Variants in COL2A1 observed in about 807,000 individuals in gnomAD.
COL2A1 encodes the protein collagen type II alpha 1 chain, also known as collagen alpha-1(II) chain.
In COL2A1, 28 loss-of-function variants were observed where a neutral mutation model predicts 204.5. The ratio of observed to expected loss-of-function variants is 0.14; its 90% CI spans 0.10 to 0.19. The LOEUF (loss-of-function observed/expected upper bound fraction) is 0.19, where lower values mean the gene tolerates loss of function less well. COL2A1 is among the 10% of genes least tolerant of loss of function. The pLI is 1.00. For synonymous variants in COL2A1, 708 were observed against 718.7 expected, an observed-to-expected ratio of 0.99 and a Z score of 0.24; for missense variants, 1,388 against 2,027.5, an observed-to-expected ratio of 0.68 and a Z score of 6.06.
chr12:47,977,228 T>C lies in COL2A1; in HGVS notation c.3274-73A>G, dbSNP rs41272751. The C allele has an allele frequency of 4.3e-3, 6,863 of 1,585,328 alleles. 284 individuals carry two copies. In the African/African-American group the frequency reaches 0.079, roughly 18 times the overall value. ...GGGCCTCCTCTGCATCTGAGGCCAC[T>C]GCTCCTTAGTCCAGAGACTGCGGAA... On this transcript the variant is annotated intron_variant, in intron 46 of 53. Transcript: ENST00000380518.
rs781153982 is a variant in COL2A1, at chr12:47,985,112, T to TTC, written c.1735-21_1735-20dup. On this transcript the variant is annotated intron_variant, in intron 26 of 53. Coordinates refer to ENST00000380518, the MANE Select transcript of COL2A1 (RefSeq NM_001844.5). ...GGGCTCCCTGAAAGACAGAACACCA[T>TTC]TCTCAGAACATAGACACTCTGACCA... is the stretch of plus-strand genomic sequence containing the variant. 5 of 1,593,948 alleles carry TTC rather than the reference T, an allele frequency of 3.1e-6. No individual in the cohort carries two copies. In the East Asian group the frequency reaches 1.1e-4, roughly 36 times the overall value.
At position 47,976,292 on chromosome 12, in the gene COL2A1, T is replaced by TTCCCAGGGG. The variant is rs145571589; in HGVS notation, c.3489+221_3489+222insCCCCTGGGA. Among the ~76,000 whole-genome samples, 3,504 of 152,324 alleles carry TTCCCAGGGG rather than the reference T, an allele frequency of 0.023. 148 individuals carry two copies. The highest frequency in any genetic ancestry group is 0.079 in the African/African-American group (3,287 of 41,562). The stretch of plus-strand genomic sequence containing the variant: ...CTAAGCTCCTCTTTGTAAAATGCTG[T>TTCCCAGGGG]TCTGTCTGACAGCGAGAGGCTGATT... On this transcript the variant is annotated intron_variant, in intron 49 of 53. Coordinates refer to ENST00000380518, the MANE Select transcript of COL2A1 (RefSeq NM_001844.5). The surrounding 1 kb of genome is among the most constrained non-coding windows in gnomAD (Gnocchi z 4.3).
intron 33 of COL2A1, 23 bp from the exon 34 acceptor site, chr12:47,982,632 G>A (rs1436698414): frequency 6.5e-7 from 1 of 1,548,342 alleles, no homozygotes; most frequent in African/African-American, 1.4e-5. Flanking sequence ...GTAAGAGGGA[G>A]TCTGTAGTGG....
At chr12:47,997,576 C>T in intron 7 of COL2A1, 30 bp downstream of exon 7, 1 of 1,613,748 alleles carries the variant, frequency 6.2e-7, no homozygotes, top group Non-Finnish European at 8.5e-7. Context: ...GGAGGGACAG[C>T]CTGAAGGAAT....
At chr12:47,998,488 C>G (rs1940072782) in intron 2 of COL2A1, 57 bp from the exon 3 acceptor site, 1 of 1,574,394 alleles carries the variant, frequency 6.4e-7, no homozygotes, top group Admixed American at 1.7e-5. Flanking sequence ...TGGAAAAATA[C>G]CTATTCTTGT....
At chr12:47,982,060 G>A in intron 35 of COL2A1, 47 bp downstream of exon 35, 1 of 1,580,056 alleles carries the variant, frequency 6.3e-7, no homozygotes, top group Non-Finnish European at 8.7e-7. Flanking sequence ...CTGGGTGCAG[G>A]GCTAGGATCC....
At position 47,981,353 on chromosome 12, in the gene COL2A1, C is replaced by T. The variant is rs376834551; in HGVS notation, c.2453G>A (p.Arg818His). 1.1e-5 allele frequency: 18 copies of T among 1,612,868 alleles called. No individual in the cohort carries two copies. Among genetic ancestry groups the T allele is most frequent in the Non-Finnish European group, 1.5e-5 (18 of 1,179,866 alleles). Residue 818 changes from arginine (R) to histidine (H), a missense_variant, in exon 37 of 54, where the codon CGT becomes CAT. Arg to His is a conservative substitution (Grantham distance 29). Coordinates refer to ENST00000380518, the MANE Select transcript of COL2A1 (RefSeq NM_001844.5). Reference protein sequence around the residue: ...PPGPAGSAGARGAPGERGETG... With the variant: ...PPGPAGSAGAHGAPGERGETG... ...GGGGCAGACACTCACCGGAGCGCCA[C>T]GAGCACCAGCACTTCCTGCAGGACC...
chr12:47,989,887 G>T (rs1211979584), intron 16 of COL2A1, 82 bp from the exon 17 acceptor site: 3 of 1,367,588 alleles, frequency 2.2e-6, no homozygotes, highest in Non-Finnish European at 3.1e-6. Flanking sequence ...TACAGAAAAC[G>T]AAGGACACAC....
rs1635548 is a variant in COL2A1 at position 47,984,901 on chromosome 12, T to G, written c.1833+94A>C. ...GAGCCCCACTCATCACTGTCCCTGG[T>G]TAAACTCTACTCAGGACCCAGCCCT... is the stretch of plus-strand genomic sequence containing the variant. On this transcript the variant is annotated intron_variant, in intron 27 of 53. Coordinates refer to ENST00000380518, the MANE Select transcript of COL2A1 (RefSeq NM_001844.5). 2.0e-5 allele frequency: 22 copies of G among 1,083,768 alleles called. No homozygotes were observed. In the Middle Eastern group the frequency reaches 2.5e-3, roughly 125 times the overall value. 67.1% of individuals were successfully genotyped at this position (1,083,768 alleles called of 1,614,324 possible).
rs10219510 is a variant in COL2A1 at position 47,983,852 on chromosome 12, A to G, written c.1942-116T>C. 67,895 of 1,114,354 alleles carry G rather than the reference A, an allele frequency of 0.061. 2,550 individuals are homozygous for G. The highest frequency in any genetic ancestry group is 0.074 in the Non-Finnish European group (55,593 of 749,822). The allele number at this position is 1,114,354 out of a possible 1,614,324, so 69.0% of individuals were successfully genotyped here. ...GGCAGCACAGGCGTCTTCCTGCACCACTCAGACAGTGCATGCATGCCTCCC... is the reference window on the plus strand; with the variant it reads ...GGCAGCACAGGCGTCTTCCTGCACCGCTCAGACAGTGCATGCATGCCTCCC... On this transcript the variant is annotated intron_variant, in intron 29 of 53. Transcript: ENST00000380518.
chr12:47,983,464 G>A lies in COL2A1; in HGVS notation c.1996-26C>T, dbSNP rs754194992. ...CTAGAAGCCGAAGTGACAAGCGTTA[G>A]CAAAGGAGTGAGTTTGCTGCCCTGG... On this transcript the variant is annotated intron_variant, in intron 30 of 53. Coordinates refer to ENST00000380518, the MANE Select transcript of COL2A1 (RefSeq NM_001844.5). The A allele has an allele frequency of 3.4e-5, 55 of 1,612,766 alleles. No homozygotes were observed. The Admixed American group carries it at 8.5e-4, about 25-fold the overall frequency.
chr12:47,978,434 T>C lies in COL2A1; in HGVS notation c.2896-36A>G. ...AGAGGCAGGAGATGAGAACTGACAG[T>C]GGCCCAGCCTCTTCTGTCCTCTCAG... On this transcript the variant is annotated intron_variant, in intron 42 of 53. Transcript: ENST00000380518. This position sits in a 1 kb window ranked among gnomAD's most constrained non-coding sequence, Gnocchi z 5.5. The C allele has an allele frequency of 6.2e-7, 1 of 1,602,508 alleles. No individual in the cohort carries two copies.
intron 4 of COL2A1, 50 bp downstream of exon 4, chr12:47,998,119 C>A: frequency 1.2e-6 from 2 of 1,614,176 alleles, no homozygotes; most frequent in Non-Finnish European, 1.7e-6. Flanking sequence ...AAGGAAATGA[C>A]CCATTTAGAG....
rs1053918409 is a variant in COL2A1, at chr12:47,973,643, C to T, written c.4318-90G>A. 181 of 1,501,998 alleles carry T rather than the reference C, an allele frequency of 1.2e-4. No homozygotes were observed. The South Asian group carries it at 1.7e-3, about 14-fold the overall frequency. 93.0% of individuals were successfully genotyped at this position (1,501,998 alleles called of 1,614,324 possible). A position where few individuals can be genotyped will look rare whatever the true frequency, so the allele number is the denominator to read the frequency against. ...AGAAGCCCAAAACTGAACAAACTGG[C>T]GAGCATCAGAGCCCACAAGGTTGAA... On this transcript the variant is annotated intron_variant, in intron 53 of 53. Transcript: ENST00000380518.
chr12:47,982,391 G>A lies in COL2A1; in HGVS notation c.2301+111C>T, dbSNP rs1046431255. 9.4e-6 allele frequency: 9 copies of A among 959,422 alleles called. No individual in the cohort carries two copies. The African/African-American group carries it at 1.3e-4, about 14-fold the overall frequency. 59.4% of individuals were successfully genotyped at this position (959,422 alleles called of 1,614,324 possible). On this transcript the variant is annotated intron_variant, in intron 34 of 53. Transcript: ENST00000380518. Reference sequence around the variant, plus strand: ...GGAGTCTTTAAGCTCCTCAAAAAGGGCTAACAGAAACCTTCATCACCAGGT... The same window carrying A: ...GGAGTCTTTAAGCTCCTCAAAAAGGACTAACAGAAACCTTCATCACCAGGT...
rs892891652 is a variant in COL2A1, at chr12:47,996,642, C to T, written c.532-17G>A. 1.7e-5 allele frequency: 27 copies of T among 1,613,168 alleles called. No individual in the cohort carries two copies. The highest frequency in any genetic ancestry group is 2.2e-5 in the Non-Finnish European group (26 of 1,179,252). ...AGCAAAGTTCTGCAAAGAAACCCAA[C>T]AACGTTAGGAGGTTGAAAGGCACTA... On this transcript the variant is annotated splice_polypyrimidine_tract_variant and intron_variant, in intron 7 of 53. Transcript: ENST00000380518.
chr12:47,994,584 G>A (rs1355490600), intron 11 of COL2A1, 107 bp from the exon 12 acceptor site: 25 of 1,158,088 alleles, frequency 2.2e-5, no homozygotes, highest in South Asian at 5.1e-5. Flanking sequence ...TTTGCCTACC[G>A]GCTCACTCAT....
chr12:47,995,157 T>C, intron 11 of COL2A1, 98 bp downstream of exon 11: 1 of 1,032,974 alleles, frequency 9.7e-7, no homozygotes, highest in Non-Finnish European at 1.5e-6. Flanking sequence ...TCAAGATACC[T>C]CCACCCTGGG....
intron 2 of COL2A1, chr12:47,998,934 T>C (rs779419638): frequency 1.9e-5 from 3 of 160,756 alleles, no homozygotes; most frequent in Non-Finnish European, 2.7e-5. Context: ...CGGAGCATCA[T>C]AGCCTGTGCC....
Sources: allele counts gnomAD v4.1 joint callset (sites outside exome capture counted in the v4.1 genomes callset), GRCh38; gene constraint gnomAD v4.1.1; non-coding constraint Gnocchi (gnomAD v3.1); transcripts MANE v1.5; gene names NCBI Gene and HGNC (gene_info 2026-07-23, HGNC 2026-07-21).